KIFAP3: variants seen among roughly 807,000 people sequenced by gnomAD.
KIFAP3 encodes the protein kinesin associated protein 3.
A neutral mutation model predicts 106.5 loss-of-function variants in KIFAP3; 68 were observed. The ratio of observed to expected loss-of-function variants is 0.64; its 90% CI spans 0.53 to 0.78. KIFAP3 has a LOEUF of 0.78. Ranked by LOEUF, KIFAP3 falls within the 30% of genes least tolerant of loss-of-function variation. The pLI, the probability that KIFAP3 is intolerant of heterozygous loss-of-function variation, is 0.00. For missense variants in KIFAP3, 780 were observed against 941.8 expected (o/e 0.83, Z 2.25); for synonymous variants, 320 against 311.5 (o/e 1.03, Z -0.29).
intron 19 of KIFAP3, among the ~76,000 whole-genome samples, chr1:169,927,420 T>C (rs1176221597): frequency 6.6e-6 from 1 of 152,196 alleles, no homozygotes; most frequent in Non-Finnish European, 1.5e-5. Context: ...TATAAGAGTA[T>C]ATTAGAGACA....
chr1:169,975,512 T>G (rs969513166), intron 16 of KIFAP3, among the ~76,000 whole-genome samples: 1 of 152,174 alleles, frequency 6.6e-6, no homozygotes, highest in Non-Finnish European at 1.5e-5. Context: ...ATTGCAATAA[T>G]TTTTAATATG....
At chr1:170,018,826 T>C (rs1036090945) in intron 9 of KIFAP3, among the ~76,000 whole-genome samples, 27 of 151,920 alleles carry the variant, frequency 1.8e-4, no homozygotes, top group Admixed American at 1.2e-3. Context: ...AATTAACACC[T>C]GATTTTTCCT....
At chr1:169,978,374 G>A (rs559842446) in intron 15 of KIFAP3, among the ~76,000 whole-genome samples, 191 bp from the exon 16 acceptor site, 2 of 151,972 alleles carry the variant, frequency 1.3e-5, no homozygotes, top group South Asian at 4.1e-4. Context: ...TTCATCATAA[G>A]AATTCTTTAA....
chr1:169,924,328 T>C (rs1663002409), intron 19 of KIFAP3, among the ~76,000 whole-genome samples: 2 of 152,222 alleles, frequency 1.3e-5, no homozygotes, highest in Admixed American at 1.3e-4. Context: ...GACATCTGTG[T>C]GTATTACAGT....
chr1:170,061,295 T>C (rs1480979356), intron 1 of KIFAP3, among the ~76,000 whole-genome samples: 7 of 150,012 alleles, frequency 4.7e-5, no homozygotes, highest in East Asian at 4.0e-4. Flanking sequence ...GAATCTACAA[T>C]GAACTTAAAC....
In KIFAP3 at chr1:169,961,846, A is replaced by G. The variant is rs545173812; in HGVS notation, c.1984-611T>C. 1.4e-4 allele frequency among the ~76,000 whole-genome samples: 21 copies of G among 152,326 alleles called. No individual in the cohort carries two copies. The East Asian group carries it at 3.9e-3, about 28-fold the overall frequency. On this transcript the variant is annotated intron_variant, in intron 17 of 19. Transcript: ENST00000361580. Reference sequence around the variant, plus strand: ...ATACAGTATATAATACATATACAAAATATGTGTTAATCAACTGTTTATGCT... The same window carrying G: ...ATACAGTATATAATACATATACAAAGTATGTGTTAATCAACTGTTTATGCT...
At chr1:169,990,093 T>C (rs1332487316) in intron 11 of KIFAP3, 1 of 1,440,992 alleles carries the variant, frequency 6.9e-7, no homozygotes, top group East Asian at 2.5e-5. Flanking sequence ...GACATGAACC[T>C]CCAAGGAAAA....
chr1:170,061,233 G>A (rs1461164945), intron 1 of KIFAP3, among the ~76,000 whole-genome samples: 4 of 152,088 alleles, frequency 2.6e-5, no homozygotes, highest in Admixed American at 1.3e-4. Flanking sequence ...GCAACCTACA[G>A]AATGGGAGAA....
In KIFAP3 at chr1:170,041,764, C is replaced by T. The variant is rs1029061833; in HGVS notation, c.320-2476G>A. 5 of 1,533,580 alleles carry T rather than the reference C, an allele frequency of 3.3e-6. No homozygotes were observed. The Admixed American group carries it at 9.8e-5, about 30-fold the overall frequency. The allele number at this position is 1,533,580 out of a possible 1,614,324, so 95.0% of individuals were successfully genotyped here. On this transcript the variant is annotated intron_variant, in intron 3 of 19. Coordinates refer to ENST00000361580, the MANE Select transcript of KIFAP3 (RefSeq NM_014970.4). ...GTGTTGCCAAGGGCAATCGACATCC[C>T]TTTTGCCTTCTCCTGATCTGTTGGC... is the stretch of plus-strand genomic sequence containing the variant.
At chr1:170,039,342 T>A in intron 3 of KIFAP3, 54 bp from the exon 4 acceptor site, 1 of 987,010 alleles carries the variant, frequency 1.0e-6, no homozygotes, top group Non-Finnish European at 1.5e-6. Flanking sequence ...GGTTTCTAGG[T>A]AATTTTTATT....
chr1:169,978,226 T>C, intron 15 of KIFAP3, 43 bp from the exon 16 acceptor site: 1 of 1,251,036 alleles, frequency 8.0e-7, no homozygotes, highest in Non-Finnish European at 1.2e-6. Flanking sequence ...ACTATGTTTA[T>C]ATACCAAATT....
chr1:170,020,432 G>C (rs1557842484), intron 9 of KIFAP3, among the ~76,000 whole-genome samples: 1 of 152,196 alleles, frequency 6.6e-6, no homozygotes, highest in East Asian at 1.9e-4. Context: ...TCTAGAAATA[G>C]AGGCAAACAT....
intron 19 of KIFAP3, among the ~76,000 whole-genome samples, chr1:169,931,700 A>G (rs966010506): frequency 6.6e-6 from 1 of 152,196 alleles, no homozygotes; most frequent in African/African-American, 2.4e-5. Flanking sequence ...TTACTGGTTC[A>G]ACATTTATAT....
At position 170,074,492 on chromosome 1, in the gene KIFAP3, AG is replaced by A. The variant is rs1288269759; in HGVS notation, c.-26del. On this transcript the variant is annotated 5_prime_UTR_variant, in exon 1 of 20. Coordinates refer to ENST00000361580, the MANE Select transcript of KIFAP3 (RefSeq NM_014970.4). ...TGGCGGCAGCGGCAGCGGCGTGGAG[AG>A]GATGGGGTATCTTGAGAGGCAGGCG... 8.7e-6 allele frequency: 14 copies of A among 1,608,258 alleles called. No homozygotes were observed. Among genetic ancestry groups the A allele is most frequent in the Non-Finnish European group, 1.2e-5 (14 of 1,175,716 alleles).
At chr1:170,075,159 A>G (rs1304036168), upstream of KIFAP3, among the ~76,000 whole-genome samples, 2 of 152,172 alleles carry the variant, frequency 1.3e-5, no homozygotes, top group African/African-American at 2.4e-5. Flanking sequence ...GCAACAAAAA[A>G]CAGTTCCTGA....
At chr1:169,957,425 C>A (rs1665079803) in intron 18 of KIFAP3, among the ~76,000 whole-genome samples, 1 of 152,104 alleles carries the variant, frequency 6.6e-6, no homozygotes, top group Non-Finnish European at 1.5e-5. Flanking sequence ...ATGAACAAAA[C>A]AGAGCATATA....
chr1:169,951,712 T>C (rs1664740004), intron 19 of KIFAP3, among the ~76,000 whole-genome samples: 1 of 151,848 alleles, frequency 6.6e-6, no homozygotes, highest in Non-Finnish European at 1.5e-5. Context: ...TTAGTGAAAA[T>C]GTTTAGTTTT....
chr1:170,060,168 G>A lies in KIFAP3; in HGVS notation c.33-4732C>T, dbSNP rs190693041. Among the ~76,000 whole-genome samples, 123 of 152,230 alleles carry A rather than the reference G, an allele frequency of 8.1e-4. 1 individual carries two copies. Among genetic ancestry groups the A allele is most frequent in the African/African-American group, 2.7e-3 (111 of 41,552 alleles). On this transcript the variant is annotated intron_variant, in intron 1 of 19. Coordinates refer to ENST00000361580, the MANE Select transcript of KIFAP3 (RefSeq NM_014970.4). ...CATAGTGTTGGAAGTTCTGGCCAGG[G>A]CAATCAGGAAGGAGAAAAAAAGGGT...
At chr1:169,959,285 A>G (rs1486698733) in intron 18 of KIFAP3, among the ~76,000 whole-genome samples, 3 of 152,204 alleles carry the variant, frequency 2.0e-5, no homozygotes, top group Non-Finnish European at 4.4e-5. Context: ...AAGAAATGCT[A>G]CAGGGATTCA....
Sources: gnomAD v4.1 joint callset for allele counts (sites outside exome capture counted in the v4.1 genomes callset) on GRCh38, gnomAD v4.1.1 for gene constraint, MANE v1.5 for transcripts, NCBI Gene and HGNC (gene_info 2026-07-23, HGNC 2026-07-21) for gene names.